Variants in GMDS observed in about 807,000 individuals in gnomAD.
GMDS encodes GDP-mannose 4,6-dehydratase.
A neutral mutation model predicts 49.9 loss-of-function variants in GMDS; 20 were observed. That is an observed-to-expected ratio of 0.40 (90% CI 0.28 to 0.58). The LOEUF (loss-of-function observed/expected upper bound fraction) is 0.58. Among genes scored for constraint, GMDS ranks in the 20% least tolerant of loss-of-function variants. The pLI is 0.42. For synonymous variants in GMDS, 177 were observed against 178.6 expected, an observed-to-expected ratio of 0.99 and a Z score of 0.07; for missense variants, 362 against 481.4, an observed-to-expected ratio of 0.75 and a Z score of 2.32.
At chr6:1,849,771 AC>A (rs540295790) in intron 7 of GMDS, among the ~76,000 whole-genome samples, 94 of 152,334 alleles carry the variant, frequency 6.2e-4, no homozygotes, top group African/African-American at 2.2e-3. Flanking sequence ...ACTCGACAGA[AC>A]AGACCGAAGC....
At position 2,139,249 on chromosome 6, in the gene GMDS, T is replaced by G. The variant is rs114204140; in HGVS notation, c.103-14518A>C. Among the ~76,000 whole-genome samples, 864 of 152,356 alleles carry G rather than the reference T, an allele frequency of 5.7e-3. 2 individuals carry two copies. The highest frequency in any genetic ancestry group is 0.017 in the Middle Eastern group (5 of 294). Reference sequence around the variant, plus strand: ...TTCAATTTAATTACTAATGATAATGTACTTGCATCACTATAAGCTGCACTG... The same window carrying G: ...TTCAATTTAATTACTAATGATAATGGACTTGCATCACTATAAGCTGCACTG... On this transcript the variant is annotated intron_variant, in intron 1 of 10. Transcript: ENST00000380815.
intron 4 of GMDS, among the ~76,000 whole-genome samples, chr6:2,108,872 G>A (rs1320132948): frequency 1.3e-5 from 2 of 152,160 alleles, no homozygotes; most frequent in East Asian, 1.9e-4. Context: ...AAGTGCTTGA[G>A]CTGGCTCTGT....
intron 4 of GMDS, among the ~76,000 whole-genome samples, chr6:2,008,735 A>T (rs974629895): frequency 6.6e-6 from 1 of 152,224 alleles, no homozygotes; most frequent in Non-Finnish European, 1.5e-5. Context: ...AATCTCAGAG[A>T]TTAACTAGTG....
intron 4 of GMDS, among the ~76,000 whole-genome samples, chr6:2,041,299 G>A (rs1314273963): frequency 6.6e-6 from 1 of 152,198 alleles, no homozygotes; most frequent in Non-Finnish European, 1.5e-5. Flanking sequence ...TTATAGGTAT[G>A]CCCAAAAAAT....
At chr6:1,955,764 C>T (rs1763602527) in intron 6 of GMDS, among the ~76,000 whole-genome samples, 2 of 147,600 alleles carry the variant, frequency 1.4e-5, no homozygotes, top group African/African-American at 5.0e-5. Context: ...TAAATGAAGT[C>T]TTCAAAAAAA....
At chr6:2,120,499 T>C (rs1463476724) in intron 2 of GMDS, among the ~76,000 whole-genome samples, 3 of 152,220 alleles carry the variant, frequency 2.0e-5, no homozygotes, top group African/African-American at 4.8e-5. Flanking sequence ...ATTTCTTTTC[T>C]ATGCTGATAC....
chr6:1,709,729 T>C (rs757785398), intron 9 of GMDS, among the ~76,000 whole-genome samples: 4 of 152,110 alleles, frequency 2.6e-5, no homozygotes, highest in Non-Finnish European at 4.4e-5. Flanking sequence ...TACATGAGAG[T>C]ACGTGCAAAA....
chr6:2,227,090 C>A (rs78330677), intron 1 of GMDS, among the ~76,000 whole-genome samples: 18 of 152,054 alleles, frequency 1.2e-4, no homozygotes, highest in South Asian at 2.1e-4. Context: ...TTTTTTTCCC[C>A]CTGAAACTTT....
Position 1,703,197 on chromosome 6 carries a change from A to G in GMDS, c.987+23219T>C, listed in dbSNP as rs1199707372. Among the ~76,000 whole-genome samples, 3 of 152,278 alleles carry G rather than the reference A, an allele frequency of 2.0e-5. No individual in the cohort carries two copies. In the East Asian group the frequency reaches 5.8e-4, roughly 29 times the overall value. ...ACGTGGGCACAGGGCATGGTAGGGA[A>G]AAGTGAGCTGGGGTAAATGGGGTGT... is the stretch of plus-strand genomic sequence containing the variant. On this transcript the variant is annotated intron_variant, in intron 9 of 10. Coordinates refer to ENST00000380815, the MANE Select transcript of GMDS (RefSeq NM_001500.4).
At chr6:2,134,544 G>A (rs1050388318) in intron 1 of GMDS, among the ~76,000 whole-genome samples, 2 of 152,228 alleles carry the variant, frequency 1.3e-5, no homozygotes, top group African/African-American at 4.8e-5. Flanking sequence ...TAAGGCCGAA[G>A]TGAGTCTTAC....
intron 1 of GMDS, among the ~76,000 whole-genome samples, chr6:2,175,345 C>G (rs1022767131): frequency 6.6e-6 from 1 of 152,012 alleles, no homozygotes; most frequent in Non-Finnish European, 1.5e-5. Context: ...TAAAGAATAA[C>G]AAAAATATGG....
intron 8 of GMDS, among the ~76,000 whole-genome samples, chr6:1,731,042 G>T (rs1197056415): frequency 6.6e-6 from 1 of 152,116 alleles, no homozygotes; most frequent in Non-Finnish European, 1.5e-5. Flanking sequence ...GATCAGGAAA[G>T]ATATCAAACA....
rs34392245 is a variant in GMDS, at chr6:2,232,156, G to GTT, written c.102+13163_102+13164dup. Among the ~76,000 whole-genome samples, 845 of 148,974 alleles carry GTT rather than the reference G, an allele frequency of 5.7e-3. 14 individuals carry two copies. In the East Asian group the frequency reaches 0.065, roughly 12 times the overall value. ...TCTTACATTTTGGTGTGTAAAACGG[G>GTT]TTTTTTTTTTTAAATACTGTGATAG... On this transcript the variant is annotated intron_variant, in intron 1 of 10. Coordinates refer to ENST00000380815, the MANE Select transcript of GMDS (RefSeq NM_001500.4).
chr6:1,866,403 A>G (rs998743198), intron 7 of GMDS, among the ~76,000 whole-genome samples: 3 of 152,220 alleles, frequency 2.0e-5, no homozygotes, highest in African/African-American at 7.2e-5. Context: ...AAAAAGGCTT[A>G]AAAATGTTAA....
intron 9 of GMDS, among the ~76,000 whole-genome samples, chr6:1,661,873 G>A (rs1278036161): frequency 6.6e-6 from 1 of 152,182 alleles, no homozygotes; most frequent in African/African-American, 2.4e-5. Context: ...GGGGCGGGTG[G>A]GTGCCTGAGG....
chr6:1,805,173 G>T (rs1770121325), intron 7 of GMDS, among the ~76,000 whole-genome samples: 1 of 152,148 alleles, frequency 6.6e-6, no homozygotes, highest in South Asian at 2.1e-4. Context: ...TTAGTTCTTT[G>T]AGATGGTTCA....
chr6:1,852,524 A>G (rs1428327878), intron 7 of GMDS, among the ~76,000 whole-genome samples: 2 of 151,938 alleles, frequency 1.3e-5, no homozygotes, highest in African/African-American at 4.8e-5. Context: ...CTTTTTCACT[A>G]TTTCTTTTAT....
At chr6:1,912,433 T>C (rs780121685) in intron 7 of GMDS, among the ~76,000 whole-genome samples, 7 of 152,206 alleles carry the variant, frequency 4.6e-5, no homozygotes, top group Non-Finnish European at 7.3e-5. Flanking sequence ...TTAGAGTTCT[T>C]TCTATGTGAT....
At chr6:1,964,288 G>T (rs1764136122) in intron 4 of GMDS, among the ~76,000 whole-genome samples, 1 of 152,194 alleles carries the variant, frequency 6.6e-6, no homozygotes, top group Admixed American at 6.5e-5. Context: ...TGAGAATGTT[G>T]TGAGTTTTTT....
Sources: allele counts gnomAD v4.1 joint callset (sites outside exome capture counted in the v4.1 genomes callset), GRCh38; gene constraint gnomAD v4.1.1; transcripts MANE v1.5; gene names NCBI Gene and HGNC (gene_info 2026-07-23, HGNC 2026-07-21).